The following AGPS variants were observed in gnomAD, a reference collection of about 807,000 sequenced individuals.
AGPS encodes the protein alkyldihydroxyacetonephosphate synthase, peroxisomal.
Under a neutral mutation model 90.7 loss-of-function variants are expected in AGPS, and 26 were observed. The observed-to-expected ratio is 0.29, with a 90% CI of 0.21 to 0.40. AGPS has a LOEUF of 0.40. Among genes scored for constraint, AGPS ranks in the 10% least tolerant of loss-of-function variants. The pLI, the probability that AGPS is intolerant of heterozygous loss-of-function variation, is 1.00. For synonymous variants in AGPS, 294 were observed against 285.3 expected, an observed-to-expected ratio of 1.03 and a Z score of -0.31; for missense variants, 540 against 816.1, an observed-to-expected ratio of 0.66 and a Z score of 4.12.
At chr2:177,508,639 TTAA>T (rs1688778465) in intron 16 of AGPS, among the ~76,000 whole-genome samples, 1 of 152,310 alleles carries the variant, frequency 6.6e-6, no homozygotes, top group East Asian at 1.9e-4. Flanking sequence ...GGTTAGTGAC[TTAA>T]TAAAAACTGA....
chr2:177,538,414 A>G lies in AGPS; in HGVS notation c.*219A>G. ...TCTCATTGTAGGTACATCATTTTAC[A>G]TTCAGCGGTTGTCATTTCAAATTTT... is the stretch of plus-strand genomic sequence containing the variant. On this transcript the variant is annotated 3_prime_UTR_variant, in exon 20 of 20. Transcript: ENST00000264167. 5.3e-6 allele frequency: 3 copies of G among 567,250 alleles called. No homozygotes were observed. Among genetic ancestry groups the G allele is most frequent in the Non-Finnish European group, 9.2e-6 (3 of 326,836 alleles). The allele number at this position is 567,250 out of a possible 1,614,324, so 35.1% of individuals were successfully genotyped here.
At chr2:177,499,382 T>C (rs1688492665) in intron 13 of AGPS, among the ~76,000 whole-genome samples, 1 of 151,868 alleles carries the variant, frequency 6.6e-6, no homozygotes, top group East Asian at 1.9e-4. Context: ...ATTAACACTG[T>C]GGCATACTTT....
chr2:177,527,341 T>C (rs1326497610), intron 19 of AGPS, among the ~76,000 whole-genome samples: 1 of 152,000 alleles, frequency 6.6e-6, no homozygotes, highest in Non-Finnish European at 1.5e-5. Context: ...GGTAGGAGGA[T>C]TGCTTGACCC....
At chr2:177,483,446 G>C (rs1453355162) in intron 11 of AGPS, among the ~76,000 whole-genome samples, 2 of 152,104 alleles carry the variant, frequency 1.3e-5, no homozygotes, top group Non-Finnish European at 2.9e-5. Flanking sequence ...TTTTCAAGTA[G>C]CTGCACTTAC....
chr2:177,393,982 A>G (rs537347776), intron 1 of AGPS, among the ~76,000 whole-genome samples: 26 of 152,210 alleles, frequency 1.7e-4, no homozygotes, highest in Non-Finnish European at 3.1e-4. Flanking sequence ...TTCCCAAGCT[A>G]TGAGGTATGT....
At chr2:177,479,554 GA>G (rs1349851632) in intron 10 of AGPS, among the ~76,000 whole-genome samples, 1 of 152,110 alleles carries the variant, frequency 6.6e-6, no homozygotes, top group African/African-American at 2.4e-5. Flanking sequence ...TAAACGAAGT[GA>G]GTTATACTAT....
chr2:177,415,675 T>C (rs1169868995), intron 1 of AGPS, among the ~76,000 whole-genome samples: 1 of 152,244 alleles, frequency 6.6e-6, no homozygotes, highest in Non-Finnish European at 1.5e-5. Context: ...TGTTGACCCA[T>C]CTAGAAACAT....
chr2:177,466,044 G>C (rs922381804), intron 9 of AGPS, among the ~76,000 whole-genome samples: 11 of 152,208 alleles, frequency 7.2e-5, no homozygotes, highest in African/African-American at 2.7e-4. Context: ...ACTCATATTG[G>C]GTAGCTCCTT....
intron 19 of AGPS, among the ~76,000 whole-genome samples, chr2:177,526,236 T>TC (rs1374448536): frequency 6.7e-6 from 1 of 150,264 alleles, no homozygotes; most frequent in African/African-American, 2.4e-5. Context: ...TCTTTTTTTT[T>TC]TTTTTTTTTT....
chr2:177,540,595 T>G lies in AGPS; in HGVS notation c.*2400T>G, dbSNP rs2079225751. ...AACCATGCCTCTTATTTCTATAATA[T>G]CTGAAAATGGCTTCATAAAAGTTAA... On this transcript the variant is annotated 3_prime_UTR_variant, in exon 20 of 20. Transcript: ENST00000264167. 1.3e-5 allele frequency: 2 copies of G among 152,008 alleles called. No homozygotes were observed. Among genetic ancestry groups the G allele is most frequent in the Admixed American group, 6.6e-5 (1 of 15,238 alleles). 9.4% of individuals were successfully genotyped at this position (152,008 alleles called of 1,614,324 possible).
intron 9 of AGPS, among the ~76,000 whole-genome samples, chr2:177,462,255 T>A (rs1413130662): frequency 6.6e-6 from 1 of 150,940 alleles, no homozygotes. Flanking sequence ...TAGTCGGGTG[T>A]GGTGGCGGGC....
intron 2 of AGPS, among the ~76,000 whole-genome samples, chr2:177,429,086 C>T (rs1326745517): frequency 6.6e-6 from 1 of 152,080 alleles, no homozygotes; most frequent in Non-Finnish European, 1.5e-5. Flanking sequence ...TTCTTTCCTC[C>T]ACTTGGTCTA....
chr2:177,507,009 G>A (rs1688736011), intron 15 of AGPS, among the ~76,000 whole-genome samples: 1 of 151,954 alleles, frequency 6.6e-6, no homozygotes. Flanking sequence ...TGTTAAAACT[G>A]AGTCAAAAGC....
rs1685512085 is a variant in AGPS, at chr2:177,408,000, T to C, written c.261-12269T>C. On this transcript the variant is annotated intron_variant, in intron 1 of 19. Transcript: ENST00000264167. ...TCTTGAGGTATTGCTCAGGCTGGTC[T>C]TGAACACCTGGCCTCAGGTGGTTCT... Among the ~76,000 whole-genome samples, 4 of 152,100 alleles carry C rather than the reference T, an allele frequency of 2.6e-5. No homozygotes were observed. In the South Asian group the frequency reaches 8.3e-4, roughly 31 times the overall value.
intron 19 of AGPS, among the ~76,000 whole-genome samples, chr2:177,532,666 A>G (rs1455062225): frequency 6.6e-6 from 1 of 152,184 alleles, no homozygotes; most frequent in Non-Finnish European, 1.5e-5. Flanking sequence ...TAACATAAAT[A>G]TTCATAGCAG....
At chr2:177,438,984 A>ACACACC (rs1232781771) in intron 5 of AGPS, among the ~76,000 whole-genome samples, 2 of 2,404 alleles carry the variant, frequency 8.3e-4, no homozygotes, top group African/African-American at 1.8e-3. Context: ...TTCTTGCAAT[A>ACACACC]CACACACACA....
chr2:177,479,988 C>G (rs572363537), intron 10 of AGPS, among the ~76,000 whole-genome samples: 28 of 152,270 alleles, frequency 1.8e-4, no homozygotes, highest in African/African-American at 6.5e-4. Flanking sequence ...CGAGACCAGC[C>G]TGACCAACAT....
chr2:177,448,260 C>T (rs1385821450), intron 8 of AGPS, among the ~76,000 whole-genome samples: 1 of 152,156 alleles, frequency 6.6e-6, no homozygotes, highest in African/African-American at 2.4e-5. Context: ...ATAATTCCTA[C>T]TTCGTGGGGT....
At chr2:177,513,657 A>AT (rs1244117807) in intron 16 of AGPS, among the ~76,000 whole-genome samples, 162 bp from the exon 17 acceptor site, 1 of 152,198 alleles carries the variant, frequency 6.6e-6, no homozygotes, top group Non-Finnish European at 1.5e-5. Context: ...GGAGGGCTCA[A>AT]TTTGAGTGAT....
Sources: gnomAD v4.1 joint callset for allele counts (sites outside exome capture counted in the v4.1 genomes callset) on GRCh38, gnomAD v4.1.1 for gene constraint, MANE v1.5 for transcripts, NCBI Gene and HGNC (gene_info 2026-07-23, HGNC 2026-07-21) for gene names.